Variants in CDH12 observed in about 807,000 individuals in gnomAD.
The protein encoded by CDH12 is cadherin-12.
CDH12 carries 41 observed loss-of-function variants against 74.1 expected under a neutral mutation model. That is an observed-to-expected ratio of 0.55 (90% CI 0.43 to 0.72). The LOEUF (loss-of-function observed/expected upper bound fraction) is 0.72, where lower values mean the gene tolerates loss of function less well. Among genes scored for constraint, CDH12 ranks in the 30% least tolerant of loss-of-function variants. CDH12 has a pLI of 0.00. For synonymous variants in CDH12, 399 were observed against 355.0 expected, an observed-to-expected ratio of 1.12 and a Z score of -1.39; for missense variants, 945 against 977.2, an observed-to-expected ratio of 0.97 and a Z score of 0.44.
chr5:22,201,336 T>C (rs1183023096), intron 4 of CDH12, among the ~76,000 whole-genome samples: 1 of 152,172 alleles, frequency 6.6e-6, no homozygotes, highest in Non-Finnish European at 1.5e-5. Context: ...CGGAATACTA[T>C]TCACACATAA....
At chr5:22,003,563 C>T (rs1420780564) in intron 5 of CDH12, among the ~76,000 whole-genome samples, 3 of 152,014 alleles carry the variant, frequency 2.0e-5, no homozygotes, top group African/African-American at 2.4e-5. Flanking sequence ...GGCAGTGGGC[C>T]GTCCTCTGAG....
At chr5:22,610,602 T>C (rs905726252) in intron 1 of CDH12, among the ~76,000 whole-genome samples, 1 of 151,868 alleles carries the variant, frequency 6.6e-6, no homozygotes, top group Middle Eastern at 3.6e-3. Flanking sequence ...TCCTATTTAC[T>C]GTGGTAAATA....
chr5:22,358,018 C>T (rs1026670929), intron 3 of CDH12, among the ~76,000 whole-genome samples: 4 of 152,126 alleles, frequency 2.6e-5, no homozygotes, highest in African/African-American at 9.7e-5. Flanking sequence ...TCCAGCACAT[C>T]CTCTCCTGCT....
intron 1 of CDH12, among the ~76,000 whole-genome samples, chr5:22,584,478 C>A (rs1026006973): frequency 6.6e-6 from 1 of 151,778 alleles, no homozygotes; most frequent in Non-Finnish European, 1.5e-5. Flanking sequence ...TTATTGTTTG[C>A]CATTTAAAAA....
intron 3 of CDH12, among the ~76,000 whole-genome samples, chr5:22,376,401 CTG>C (rs1741526376): frequency 6.6e-6 from 1 of 152,086 alleles, no homozygotes; most frequent in Non-Finnish European, 1.5e-5. Flanking sequence ...AGTAGAGTGA[CTG>C]TATTTTTCAA....
chr5:22,511,136 C>T (rs1308634105), intron 1 of CDH12, among the ~76,000 whole-genome samples: 2 of 152,150 alleles, frequency 1.3e-5, no homozygotes, highest in African/African-American at 4.8e-5. Context: ...CTCAAGTGAT[C>T]TACCTGCCTC....
chr5:21,818,070 A>G (rs559287258), intron 8 of CDH12, among the ~76,000 whole-genome samples: 1 of 152,150 alleles, frequency 6.6e-6, no homozygotes, highest in South Asian at 2.1e-4. Flanking sequence ...TAATGAGTTT[A>G]ACAACAGTCT....
At chr5:21,754,020 C>T (rs1287245687) in intron 14 of CDH12, among the ~76,000 whole-genome samples, 4 of 152,032 alleles carry the variant, frequency 2.6e-5, no homozygotes, top group Non-Finnish European at 5.9e-5. Flanking sequence ...AAGAAAAAAA[C>T]GAGGAGGATA....
At chr5:22,338,204 T>G (rs1739674997) in intron 3 of CDH12, among the ~76,000 whole-genome samples, 2 of 152,202 alleles carry the variant, frequency 1.3e-5, no homozygotes, top group Admixed American at 1.3e-4. Flanking sequence ...TAAAAAAATG[T>G]GGTACTTATA....
intron 1 of CDH12, among the ~76,000 whole-genome samples, chr5:22,829,787 T>G (rs1000932766): frequency 6.6e-6 from 1 of 152,168 alleles, no homozygotes; most frequent in Non-Finnish European, 1.5e-5. Context: ...GACAAAGTTG[T>G]CCAGCAAAGG....
chr5:22,062,915 A>C (rs75146613), intron 5 of CDH12, among the ~76,000 whole-genome samples: 1,594 of 152,298 alleles, frequency 0.01, 33 homozygotes, highest in African/African-American at 0.037. Context: ...ACACTTTCAA[A>C]GTAAACTGCA....
At chr5:22,408,483 A>C (rs1385449036) in intron 2 of CDH12, among the ~76,000 whole-genome samples, 2 of 151,866 alleles carry the variant, frequency 1.3e-5, no homozygotes, top group Non-Finnish European at 2.9e-5. Flanking sequence ...CCTTACGACC[A>C]GGAGCAACAG....
intron 1 of CDH12, among the ~76,000 whole-genome samples, chr5:22,704,897 T>C (rs988577719): frequency 1.3e-5 from 2 of 151,974 alleles, no homozygotes; most frequent in Non-Finnish European, 2.9e-5. Flanking sequence ...AAATTCCACC[T>C]TCCTTATACA....
At chr5:22,312,843 G>A (rs1738451602) in intron 3 of CDH12, among the ~76,000 whole-genome samples, 1 of 152,178 alleles carries the variant, frequency 6.6e-6, no homozygotes, top group Non-Finnish European at 1.5e-5. Context: ...GAATTGGAGA[G>A]TTCCACACAT....
In CDH12 at chr5:22,078,792, G is replaced by T; in HGVS notation, c.-116C>A. ...CCACTTAGCTTCTTGTTTTATTGCAGAAATGATGATGCAGGCATTAATCCT... is the reference window on the plus strand; with the variant it reads ...CCACTTAGCTTCTTGTTTTATTGCATAAATGATGATGCAGGCATTAATCCT... On this transcript the variant is annotated 5_prime_UTR_variant, in exon 5 of 15. In the 5' UTR this introduces an upstream ATG that the reference lacks. Transcript: ENST00000382254. 1 of 1,472,108 alleles carries T rather than the reference G, an allele frequency of 6.8e-7. No homozygotes were observed. The highest frequency in any genetic ancestry group is 9.0e-7 in the Non-Finnish European group (1 of 1,117,270). 91.2% of individuals were successfully genotyped at this position (1,472,108 alleles called of 1,614,324 possible). A position where few individuals can be genotyped will look rare whatever the true frequency, so the allele number is the denominator to read the frequency against.
intron 2 of CDH12, among the ~76,000 whole-genome samples, chr5:22,494,634 G>A (rs1215817955): frequency 6.6e-6 from 1 of 152,118 alleles, no homozygotes; most frequent in Non-Finnish European, 1.5e-5. Flanking sequence ...GGTAAAACTG[G>A]TTTCATTAGA....
intron 3 of CDH12, among the ~76,000 whole-genome samples, chr5:22,215,321 T>A (rs564479756): frequency 6.6e-6 from 1 of 152,218 alleles, no homozygotes; most frequent in Admixed American, 6.5e-5. Flanking sequence ...AATGGGAACA[T>A]TTTCTAGATT....
intron 5 of CDH12, among the ~76,000 whole-genome samples, chr5:22,003,398 T>C (rs572199756): frequency 6.6e-6 from 1 of 152,082 alleles, no homozygotes; most frequent in Admixed American, 6.6e-5. Context: ...CAATCATTAA[T>C]ACTCAAAGTA....
intron 5 of CDH12, among the ~76,000 whole-genome samples, chr5:22,043,812 C>A (rs1009866023): frequency 2.6e-5 from 4 of 151,740 alleles, no homozygotes; most frequent in African/African-American, 4.8e-5. Context: ...AGTTAACTAC[C>A]TAAAAAATAT....
Sources: allele counts gnomAD v4.1 joint callset (sites outside exome capture counted in the v4.1 genomes callset), GRCh38; gene constraint gnomAD v4.1.1; transcripts MANE v1.5; gene names NCBI Gene and HGNC (gene_info 2026-07-23, HGNC 2026-07-21).